Variants in MAPK10 observed in about 807,000 individuals in gnomAD.
MAPK10 encodes the protein mitogen-activated protein kinase 10, also known as JNK3 alpha protein kinase.
MAPK10 carries 25 observed loss-of-function variants against 59.3 expected under a neutral mutation model. The ratio of observed to expected loss-of-function variants is 0.42; its 90% confidence interval spans 0.31 to 0.59. The LOEUF (loss-of-function observed/expected upper bound fraction) is 0.59. MAPK10 is among the 20% of genes least tolerant of loss of function. The pLI is 0.15. For missense variants in MAPK10, 351 were observed against 568.9 expected (o/e 0.62, Z 3.90); for synonymous variants, 190 against 200.5 (o/e 0.95, Z 0.44).
At chr4:86,431,886 A>G (rs1488505361) in intron 1 of MAPK10, among the ~76,000 whole-genome samples, 2 of 152,210 alleles carry the variant, frequency 1.3e-5, no homozygotes, top group Admixed American at 6.5e-5. Flanking sequence ...TTTCAGCCCT[A>G]TGATGTCAAA....
intron 1 of MAPK10, among the ~76,000 whole-genome samples, chr4:86,565,621 C>T (rs1761004373): frequency 2.0e-5 from 3 of 152,124 alleles, no homozygotes; most frequent in South Asian, 4.1e-4. Context: ...AGTATGCAGA[C>T]GTAGCAGATG....
chr4:86,021,420 G>A (rs1178562443), intron 13 of MAPK10, among the ~76,000 whole-genome samples: 4 of 152,072 alleles, frequency 2.6e-5, no homozygotes, highest in Non-Finnish European at 1.5e-5. Context: ...AATACAGAGT[G>A]TCGATTGGTG....
chr4:86,416,839 G>A (rs751271635), intron 1 of MAPK10, among the ~76,000 whole-genome samples: 5 of 152,112 alleles, frequency 3.3e-5, no homozygotes, highest in Non-Finnish European at 5.9e-5. Flanking sequence ...GAACCAAAAG[G>A]AAGATACATG....
chr4:86,023,812 A>AATATATATATATATATATATATATAT (rs368982706), intron 13 of MAPK10: 10 of 100,442 alleles, frequency 1.0e-4, no homozygotes, highest in Non-Finnish European at 1.6e-4. Flanking sequence ...AGATCAAATG[A>AATATATATATATATATATATATATAT]ATATATATAT....
At chr4:86,060,827 G>A (rs939590777) in intron 11 of MAPK10, among the ~76,000 whole-genome samples, 4 of 152,118 alleles carry the variant, frequency 2.6e-5, no homozygotes, top group African/African-American at 9.7e-5. Context: ...CTAAAATCAT[G>A]TGGGAAATAG....
intron 2 of MAPK10, among the ~76,000 whole-genome samples, chr4:86,317,220 G>C (rs1167978770): frequency 2.0e-5 from 3 of 151,986 alleles, no homozygotes; most frequent in Admixed American, 6.6e-5. Context: ...GGGCTATTAC[G>C]CTTTTCCTTT....
chr4:86,197,279 AT>A (rs760918935), intron 2 of MAPK10, among the ~76,000 whole-genome samples: 63 of 151,988 alleles, frequency 4.1e-4, no homozygotes, highest in Admixed American at 9.8e-4. Flanking sequence ...GGTCCTTCAT[AT>A]CCCTTGTAAG....
chr4:86,237,171 C>A (rs1293401727), intron 2 of MAPK10, among the ~76,000 whole-genome samples: 1 of 152,158 alleles, frequency 6.6e-6, no homozygotes, highest in Non-Finnish European at 1.5e-5. Flanking sequence ...TCATCCATGT[C>A]CCTGCAAAAG....
chr4:86,186,513 A>C (rs1409135566), intron 3 of MAPK10, among the ~76,000 whole-genome samples: 1 of 152,160 alleles, frequency 6.6e-6, no homozygotes, highest in Non-Finnish European at 1.5e-5. Flanking sequence ...GCTTTTCTAT[A>C]TTTTCTATAA....
chr4:86,040,956 C>T (rs1021818721), intron 11 of MAPK10: 2 of 152,068 alleles, frequency 1.3e-5, no homozygotes, highest in Non-Finnish European at 1.5e-5. Context: ...ACCTGTCTCA[C>T]AAGAAGATGC....
intron 9 of MAPK10, among the ~76,000 whole-genome samples, chr4:86,076,583 T>C (rs2049523006): frequency 6.6e-6 from 1 of 152,184 alleles, no homozygotes; most frequent in Non-Finnish European, 1.5e-5. Context: ...AAGTTAATGG[T>C]GTGTTTTGTC....
intron 2 of MAPK10, among the ~76,000 whole-genome samples, chr4:86,330,195 C>A (rs1442271967): frequency 6.6e-6 from 1 of 152,122 alleles, no homozygotes; most frequent in African/African-American, 2.4e-5. Flanking sequence ...TGCTTGTTTT[C>A]AGTTTTTTTG....
chr4:86,288,095 C>G (rs953138553), intron 2 of MAPK10, among the ~76,000 whole-genome samples: 10 of 152,040 alleles, frequency 6.6e-5, no homozygotes, highest in Admixed American at 6.6e-4. Context: ...AAAATAGCAC[C>G]ACCTCTCTGG....
chr4:86,113,641 C>T (rs2057877936), intron 4 of MAPK10, among the ~76,000 whole-genome samples: 1 of 152,066 alleles, frequency 6.6e-6, no homozygotes, highest in African/African-American at 2.4e-5. Flanking sequence ...TTTGGCTGCT[C>T]TTAACATTTT....
At chr4:86,484,843 A>G (rs1008348027) in intron 1 of MAPK10, among the ~76,000 whole-genome samples, 57 of 152,348 alleles carry the variant, frequency 3.7e-4, no homozygotes, top group African/African-American at 1.1e-3. Context: ...ACTGTTTCTT[A>G]TAACACAGAA....
chr4:86,203,325 C>T (rs1482281207), intron 2 of MAPK10, among the ~76,000 whole-genome samples: 1 of 151,890 alleles, frequency 6.6e-6, no homozygotes, highest in Non-Finnish European at 1.5e-5. Context: ...TGGTGCACAG[C>T]AGCTGCTGTA....
At chr4:86,469,545 T>G (rs1348853198) in intron 1 of MAPK10, among the ~76,000 whole-genome samples, 4 of 152,218 alleles carry the variant, frequency 2.6e-5, no homozygotes, top group Admixed American at 2.6e-4. Context: ...AGGCAATCAC[T>G]CACTGCCAAG....
chr4:86,044,630 C>A, intron 11 of MAPK10: 1 of 396,350 alleles, frequency 2.5e-6, no homozygotes, highest in Non-Finnish European at 4.5e-6. Context: ...TTTTAAAGAA[C>A]AGGACAAAGA....
intron 9 of MAPK10, among the ~76,000 whole-genome samples, chr4:86,072,144 CTT>C (rs1402470655): frequency 6.6e-6 from 1 of 150,954 alleles, no homozygotes; most frequent in Non-Finnish European, 1.5e-5. Context: ...CTTTTATTCT[CTT>C]TGAAGCAATT....
Sources: allele counts gnomAD v4.1 joint callset (sites outside exome capture counted in the v4.1 genomes callset), GRCh38; gene constraint gnomAD v4.1.1; transcripts MANE v1.5; gene names NCBI Gene and HGNC (gene_info 2026-07-23, HGNC 2026-07-21).